AZIN1: variants seen among roughly 807,000 people sequenced by gnomAD.
The protein encoded by AZIN1 is antizyme inhibitor 1, also known as ornithine decarboxylase antizyme inhibitor.
A neutral mutation model predicts 47.4 loss-of-function variants in AZIN1; 12 were observed. The observed-to-expected ratio is 0.25, with a 90% confidence interval of 0.16 to 0.41. The LOEUF (loss-of-function observed/expected upper bound fraction) is 0.41, where lower values mean the gene tolerates loss of function less well. Ranked by LOEUF, AZIN1 falls within the 10% of genes least tolerant of loss-of-function variation. The pLI is 1.00. For synonymous variants in AZIN1, 155 were observed against 176.3 expected (o/e 0.88, Z 0.96); for missense variants, 410 against 532.4 (o/e 0.77, Z 2.26).
chr8:102,842,743 C>A (rs769698674), intron 3 of AZIN1, among the ~76,000 whole-genome samples: 110 of 148,446 alleles, frequency 7.4e-4, no homozygotes, highest in Admixed American at 1.2e-3. Flanking sequence ...AAAAAAAAAA[C>A]CACTTAGCTG....
At chr8:102,851,284 G>A (rs1812901449) in intron 2 of AZIN1, among the ~76,000 whole-genome samples, 1 of 152,166 alleles carries the variant, frequency 6.6e-6, no homozygotes, top group Non-Finnish European at 1.5e-5. Flanking sequence ...CCTTTAAAGA[G>A]ACACACTATT....
intron 2 of AZIN1, among the ~76,000 whole-genome samples, chr8:102,847,726 G>A (rs1299931325): frequency 6.6e-6 from 1 of 152,008 alleles, no homozygotes; most frequent in Non-Finnish European, 1.5e-5. Context: ...GAGACTACAG[G>A]CACATGCCAT....
At chr8:102,863,518 C>T (rs1206247304) in intron 1 of AZIN1, among the ~76,000 whole-genome samples, 1 of 151,632 alleles carries the variant, frequency 6.6e-6, no homozygotes, top group Non-Finnish European at 1.5e-5. Context: ...GAGACCCCCG[C>T]GCGCTCCCCC....
intron 9 of AZIN1, 168 bp from the exon 10 acceptor site, chr8:102,830,104 G>A: frequency 1.8e-6 from 1 of 542,706 alleles, no homozygotes; most frequent in South Asian, 2.3e-5. Context: ...AGTGCTCTAG[G>A]GCTGGATGCG....
At chr8:102,838,262 T>G (rs542778194) in intron 5 of AZIN1, among the ~76,000 whole-genome samples, 1 of 152,158 alleles carries the variant, frequency 6.6e-6, no homozygotes, top group African/African-American at 2.4e-5. Flanking sequence ...ATAAAAGTAT[T>G]AGCCTTAAAA....
rs1811991103 is a variant in AZIN1, at chr8:102,838,848, C to T, written c.345G>A (p.Lys115=). 6.2e-7 allele frequency: 1 copy of T among 1,613,832 alleles called. No homozygotes were observed. The highest frequency in any genetic ancestry group is 1.3e-5 in the African/African-American group (1 of 74,924). ...PENIIYISPC[K]QVSQIKYAAK... ...CTGCATACTTTATCTGAGACACTTG[C>T]TTGCAAGGACTTATGTAAATAATGT... The change falls in exon 5 of 12, where the codon AAG becomes AAA. Residue 115 remains lysine, a synonymous_variant. Coordinates refer to ENST00000337198, the MANE Select transcript of AZIN1 (RefSeq NM_148174.4).
At chr8:102,858,740 TATA>T (rs1474833079) in intron 1 of AZIN1, among the ~76,000 whole-genome samples, 1 of 152,250 alleles carries the variant, frequency 6.6e-6, no homozygotes, top group Non-Finnish European at 1.5e-5. Flanking sequence ...AGAACTTCCT[TATA>T]ATATTAAGCA....
chr8:102,840,700 A>AG (rs1812124079), intron 3 of AZIN1, among the ~76,000 whole-genome samples: 1 of 152,254 alleles, frequency 6.6e-6, no homozygotes, highest in African/African-American at 2.4e-5. Flanking sequence ...ACTCAGTGTT[A>AG]GATAGCAGGC....
chr8:102,838,555 CA>C (rs1278941095), intron 5 of AZIN1, among the ~76,000 whole-genome samples, 188 bp downstream of exon 5: 1 of 152,034 alleles, frequency 6.6e-6, no homozygotes, highest in East Asian at 1.9e-4. Flanking sequence ...ATTCCAATTC[CA>C]CATGAAGGAT....
Position 102,829,461 on chromosome 8 carries a change from A to G in AZIN1, c.1046T>C (p.Phe349Ser). The G allele has an allele frequency of 6.2e-7, 1 of 1,611,332 alleles. No homozygotes were observed. The highest frequency in any genetic ancestry group is 8.5e-7 in the Non-Finnish European group (1 of 1,179,306). The change falls in exon 11 of 12, where the codon TTT becomes TCT. Residue 349 changes from phenylalanine (F) to serine (S), a missense_variant. Physicochemically the swap from Phe to Ser is radical, Grantham distance 155 (BLOSUM62 -2). Coordinates refer to ENST00000337198, the MANE Select transcript of AZIN1 (RefSeq NM_148174.4). ...GGATGGACCCCAAAGGCTGCTTGTA[A>G]ACAGAGGCTCATCTTCCTTGTATTT... ...HKKYKEDEPL[F>S]TSSLWGPSCD...
chr8:102,857,462 G>A (rs1247619061), intron 2 of AZIN1, among the ~76,000 whole-genome samples: 1 of 151,556 alleles, frequency 6.6e-6, no homozygotes, highest in Non-Finnish European at 1.5e-5. Context: ...TTTTGCACAG[G>A]GGCTCAATTC....
At chr8:102,837,075 C>T (rs765388370) in intron 5 of AZIN1, among the ~76,000 whole-genome samples, 11 of 152,050 alleles carry the variant, frequency 7.2e-5, no homozygotes, top group East Asian at 1.9e-4. Flanking sequence ...TGCACCACCA[C>T]GCCCAGCTAA....
At chr8:102,852,272 G>A (rs1481315494) in intron 2 of AZIN1, among the ~76,000 whole-genome samples, 1 of 152,164 alleles carries the variant, frequency 6.6e-6, no homozygotes, top group East Asian at 1.9e-4. Context: ...AAAGTAATCT[G>A]AAGTCAACAT....
intron 9 of AZIN1, among the ~76,000 whole-genome samples, chr8:102,830,420 A>G (rs796607573): frequency 1.7e-4 from 25 of 148,828 alleles, no homozygotes; most frequent in African/African-American, 5.6e-4. Context: ...AAAAAAAAAA[A>G]GAAAAAAGTA....
At chr8:102,856,135 G>A (rs1232128691) in intron 2 of AZIN1, 1 of 146,904 alleles carries the variant, frequency 6.8e-6, no homozygotes, top group Non-Finnish European at 1.5e-5. Context: ...TCACATCAAG[G>A]AAGCTATAAA....
At chr8:102,833,470 T>C (rs980476856) in intron 8 of AZIN1, among the ~76,000 whole-genome samples, 2 of 137,174 alleles carry the variant, frequency 1.5e-5, no homozygotes, top group Non-Finnish European at 1.6e-5. Flanking sequence ...GTATTTGTTT[T>C]TGTTTTTTTT....
At position 102,863,626 on chromosome 8, in the gene AZIN1, C is replaced by CCCG. The variant is rs371296627; in HGVS notation, c.-234+178_-234+180dup. On this transcript the variant is annotated intron_variant, in intron 1 of 11. Coordinates refer to ENST00000337198, the MANE Select transcript of AZIN1 (RefSeq NM_148174.4). ...CCTGAGGCGCGGCCCGCCGCCCAGCCCCGCCGCCGCCGCCGCCGCCGGGGG... is the reference window on the plus strand; with the variant it reads ...CCTGAGGCGCGGCCCGCCGCCCAGCCCCGCCGCCGCCGCCGCCGCCGCCGGGGG... Among the ~76,000 whole-genome samples, 306 of 147,886 alleles carry CCCG rather than the reference C, an allele frequency of 2.1e-3. 1 individual carries two copies. The highest frequency in any genetic ancestry group is 6.4e-3 in the African/African-American group (262 of 40,844).
chr8:102,852,899 A>C (rs1002212656), intron 2 of AZIN1, among the ~76,000 whole-genome samples: 10 of 152,236 alleles, frequency 6.6e-5, no homozygotes, highest in Non-Finnish European at 1.0e-4. Flanking sequence ...TAAGCACTTC[A>C]ACTTGGAAGA....
chr8:102,863,097 G>T (rs1813826538), intron 1 of AZIN1, among the ~76,000 whole-genome samples: 1 of 152,242 alleles, frequency 6.6e-6, no homozygotes, highest in Non-Finnish European at 1.5e-5. Context: ...CGCAGGGGCG[G>T]AGCAGCAGCC....
Sources: allele counts gnomAD v4.1 joint callset (sites outside exome capture counted in the v4.1 genomes callset), GRCh38; gene constraint gnomAD v4.1.1; transcripts MANE v1.5; gene names NCBI Gene and HGNC (gene_info 2026-07-23, HGNC 2026-07-21).